The following SVOP variants were observed in gnomAD, a reference collection of about 807,000 sequenced individuals.
The protein encoded by SVOP is synaptic vesicle 2-related protein.
Under a neutral mutation model 69.1 loss-of-function variants are expected in SVOP, and 17 were observed. The observed-to-expected ratio is 0.25, with a 90% confidence interval of 0.17 to 0.37. The LOEUF is 0.37. Among genes scored for constraint, SVOP ranks in the 10% least tolerant of loss-of-function variants. The pLI is 1.00. For missense variants in SVOP, 435 were observed against 597.5 expected (o/e 0.73, Z 2.84); for synonymous variants, 238 against 238.6 (o/e 1.00, Z 0.02).
intron 11 of SVOP, among the ~76,000 whole-genome samples, chr12:108,930,967 T>C (rs2039813758): frequency 6.6e-6 from 1 of 152,218 alleles, no homozygotes; most frequent in Non-Finnish European, 1.5e-5. Context: ...TCCTAAAATA[T>C]TTACTACCTG....
At chr12:108,935,800 T>C (rs1566051432) in intron 10 of SVOP, among the ~76,000 whole-genome samples, 1 of 152,130 alleles carries the variant, frequency 6.6e-6, no homozygotes, top group East Asian at 1.9e-4. Context: ...TTGTGGAGTT[T>C]AAGGTGATTA....
At chr12:109,013,549 C>A (rs997511497) in intron 1 of SVOP, among the ~76,000 whole-genome samples, 1 of 152,126 alleles carries the variant, frequency 6.6e-6, no homozygotes, top group Admixed American at 6.6e-5. Context: ...TGCCACCACA[C>A]CTGGCTAATT....
chr12:108,961,141 T>A, intron 5 of SVOP, 94 bp from the exon 6 acceptor site: 2 of 1,421,748 alleles, frequency 1.4e-6, no homozygotes, highest in Non-Finnish European at 1.9e-6. Context: ...TGGGGTCACA[T>A]TAAAGGGAGC....
intron 1 of SVOP, among the ~76,000 whole-genome samples, chr12:108,985,211 A>G (rs1242113516): frequency 1.3e-5 from 2 of 151,752 alleles, no homozygotes; most frequent in Admixed American, 1.3e-4. Context: ...TGAGCAACAG[A>G]GAGAGACCCT....
chr12:109,002,946 C>T (rs2040281582), intron 1 of SVOP, among the ~76,000 whole-genome samples: 1 of 147,318 alleles, frequency 6.8e-6, no homozygotes, highest in African/African-American at 2.5e-5. Context: ...TACCCTAAAA[C>T]TTAAAGTATA....
rs970863003 is a variant in SVOP at position 108,918,065 on chromosome 12, G to T, written c.1328C>A (p.Ala443Glu). The change falls in exon 14 of 16, where the codon GCG becomes GAG. Residue 443 changes from alanine to glutamate, a missense_variant. Transcript: ENST00000610966. ...ARAFISGGFQAAYVYTPEVYP... is the reference protein window; with the variant it reads ...ARAFISGGFQEAYVYTPEVYP... ...TACCTCAGGTGTGTAAACATATGCCGCTTGAAAGCCTCCAGAAATAAACGC... is the reference window on the plus strand; with the variant it reads ...TACCTCAGGTGTGTAAACATATGCCTCTTGAAAGCCTCCAGAAATAAACGC... The T allele has an allele frequency of 6.3e-7, 1 of 1,582,290 alleles. No homozygotes were observed. The highest frequency in any genetic ancestry group is 8.6e-7 in the Non-Finnish European group (1 of 1,164,012).
intron 11 of SVOP, among the ~76,000 whole-genome samples, chr12:108,929,260 T>C (rs2039800996): frequency 1.3e-5 from 2 of 152,248 alleles, no homozygotes; most frequent in African/African-American, 4.8e-5. Flanking sequence ...TCCTCCCCTA[T>C]ACTTGCCTTC....
At chr12:108,997,321 G>A (rs1429763087) in intron 1 of SVOP, among the ~76,000 whole-genome samples, 36 of 151,934 alleles carry the variant, frequency 2.4e-4, no homozygotes, top group African/African-American at 6.1e-4. Context: ...CGCCCACGGA[G>A]TCTCGCTGAT....
intron 15 of SVOP, among the ~76,000 whole-genome samples, chr12:108,914,595 G>T (rs1365393918): frequency 6.6e-6 from 1 of 151,790 alleles, no homozygotes; most frequent in African/African-American, 2.4e-5. Flanking sequence ...TTGAGACAAG[G>T]TCTCACTCTA....
At chr12:108,918,274 A>G (rs2039726498) in intron 13 of SVOP, 150 bp from the exon 14 acceptor site, 2 of 540,964 alleles carry the variant, frequency 3.7e-6, no homozygotes, top group Non-Finnish European at 6.4e-6. Context: ...AGGCACACAT[A>G]TTTCAGTATC....
intron 6 of SVOP, 50 bp from the exon 7 acceptor site, chr12:108,945,216 G>A (rs1259239390): frequency 2.6e-6 from 4 of 1,514,628 alleles, no homozygotes; most frequent in Non-Finnish European, 3.5e-6. Context: ...AACTGGGTGG[G>A]AAAATGGCTA....
intron 11 of SVOP, among the ~76,000 whole-genome samples, chr12:108,933,544 G>T (rs1351125096): frequency 6.6e-6 from 1 of 151,730 alleles, no homozygotes; most frequent in Non-Finnish European, 1.5e-5. Context: ...AGCCAGACAT[G>T]GTGGTGCCAC....
chr12:108,973,811 C>G (rs1435487683), intron 4 of SVOP, among the ~76,000 whole-genome samples: 1 of 152,222 alleles, frequency 6.6e-6, no homozygotes, highest in African/African-American at 2.4e-5. Flanking sequence ...CTCCCTCTTT[C>G]TCAGCCACAC....
intron 6 of SVOP, among the ~76,000 whole-genome samples, chr12:108,952,230 CTTTTTTTTTT>C (rs36191772): frequency 1.0e-5 from 1 of 98,396 alleles, no homozygotes; most frequent in African/African-American, 3.4e-5. Context: ...TTTCTTTTCT[CTTTTTTTTTT>C]TTTTTTTTTT....
chr12:108,917,982 C>T (rs2039724538), intron 14 of SVOP, 61 bp downstream of exon 14: 4 of 1,344,222 alleles, frequency 3.0e-6, no homozygotes, highest in Non-Finnish European at 3.0e-6. Flanking sequence ...AGCAGAGCAT[C>T]CCCCACAGCC....
chr12:108,936,023 T>TAC (rs144380662), intron 10 of SVOP, among the ~76,000 whole-genome samples: 14,069 of 144,600 alleles, frequency 0.097, 874 homozygotes, highest in East Asian at 0.28. Flanking sequence ...ATAGTATAAA[T>TAC]ACACACACAC....
intron 12 of SVOP, 89 bp downstream of exon 12, chr12:108,922,601 T>G: frequency 1.1e-6 from 1 of 942,648 alleles, no homozygotes. Context: ...GGGATTTGCT[T>G]CCAGGTAGGG....
intron 8 of SVOP, among the ~76,000 whole-genome samples, chr12:108,939,497 A>G (rs184275628): frequency 6.6e-6 from 1 of 152,356 alleles, no homozygotes; most frequent in East Asian, 1.9e-4. Flanking sequence ...AAATGACTAC[A>G]TACATACATT....
At chr12:108,978,085 A>G (rs2137434597) in intron 3 of SVOP, among the ~76,000 whole-genome samples, 1 of 152,256 alleles carries the variant, frequency 6.6e-6, no homozygotes, top group Non-Finnish European at 1.5e-5. Context: ...AGGGGGGGAA[A>G]TGTTGTGGGG....
Sources: allele counts gnomAD v4.1 joint callset (sites outside exome capture counted in the v4.1 genomes callset), GRCh38; gene constraint gnomAD v4.1.1; transcripts MANE v1.5; gene names NCBI Gene and HGNC (gene_info 2026-07-23, HGNC 2026-07-21).